Variants in MICU1 observed in about 807,000 individuals in gnomAD.
The protein encoded by MICU1 is mitochondrial calcium uptake 1, also known as calcium uptake protein 1, mitochondrial.
In MICU1, 45 loss-of-function variants were observed where a neutral mutation model predicts 56.8. That is an observed-to-expected ratio of 0.79 (90% CI 0.62 to 1.02). MICU1 has a LOEUF of 1.02. Ranked by LOEUF, MICU1 falls within the 50% of genes least tolerant of loss-of-function variation. The pLI is 0.00. For missense variants in MICU1, 504 were observed against 587.1 expected (o/e 0.86, Z 1.46); for synonymous variants, 186 against 195.1 (o/e 0.95, Z 0.39).
intron 6 of MICU1, among the ~76,000 whole-genome samples, chr10:72,480,284 T>C (rs1866250851): frequency 6.6e-6 from 1 of 152,222 alleles, no homozygotes. Context: ...GTAGCTTGCA[T>C]GGCATGAAGA....
At chr10:72,499,411 A>G (rs1489250986) in intron 6 of MICU1, among the ~76,000 whole-genome samples, 1 of 152,234 alleles carries the variant, frequency 6.6e-6, no homozygotes, top group Non-Finnish European at 1.5e-5. Context: ...CTGCATTATC[A>G]TAAAACCAAT....
chr10:72,593,586 T>A lies in MICU1; in HGVS notation c.-1-26792A>T, dbSNP rs995307983. Among the ~76,000 whole-genome samples, 5 of 151,612 alleles carry A rather than the reference T, an allele frequency of 3.3e-5. 1 individual carries two copies. Among genetic ancestry groups the A allele is most frequent in the Non-Finnish European group, 7.4e-5 (5 of 67,944 alleles). ...GAAGAAGTAAAATTATCAAATTATC[T>A]CTTCACAGACGACATGATCTTATAT... On this transcript the variant is annotated intron_variant, in intron 1 of 11. Transcript: ENST00000361114.
At chr10:72,565,749 G>C (rs1388147868) in intron 2 of MICU1, among the ~76,000 whole-genome samples, 4 of 152,098 alleles carry the variant, frequency 2.6e-5, no homozygotes, top group Non-Finnish European at 4.4e-5. Flanking sequence ...CAGAGGCAGA[G>C]GTTGCAGTAA....
chr10:72,424,748 CTA>C (rs1478411276), intron 8 of MICU1, among the ~76,000 whole-genome samples: 1 of 152,200 alleles, frequency 6.6e-6, no homozygotes, highest in Non-Finnish European at 1.5e-5. Flanking sequence ...GGTCCAAAGA[CTA>C]TCTCTCAACA....
intron 3 of MICU1, among the ~76,000 whole-genome samples, chr10:72,561,913 G>A (rs949080885): frequency 3.3e-5 from 5 of 152,068 alleles, no homozygotes; most frequent in African/African-American, 9.7e-5. Flanking sequence ...CACACAAAAC[G>A]CAGAAATAAC....
At chr10:72,538,961 T>C (rs1369971261) in intron 4 of MICU1, among the ~76,000 whole-genome samples, 2 of 152,034 alleles carry the variant, frequency 1.3e-5, no homozygotes, top group African/African-American at 2.4e-5. Context: ...CCAGATAAAA[T>C]AGAGTATAAG....
At chr10:72,562,791 G>A in intron 3 of MICU1, 104 bp downstream of exon 3, 1 of 1,002,152 alleles carries the variant, frequency 1.0e-6, no homozygotes, top group Non-Finnish European at 1.3e-6. Flanking sequence ...GTGATAACTT[G>A]AAAGTGAAGA....
At position 72,368,060 on chromosome 10, in the gene MICU1, C is replaced by A. The variant is rs559296599; in HGVS notation, c.*135G>T. ...GACGGGGAAGGGTAAAGAGGGGAAA[C>A]CGACAGAGTCCTGAGGTCATCCCGG... On this transcript the variant is annotated 3_prime_UTR_variant, in exon 12 of 12. Coordinates refer to ENST00000361114, the MANE Select transcript of MICU1 (RefSeq NM_001195518.2). 5.4e-6 allele frequency: 5 copies of A among 922,514 alleles called. No individual in the cohort carries two copies. In the Admixed American group the frequency reaches 8.5e-5, roughly 16 times the overall value. The allele number at this position is 922,514 out of a possible 1,614,324, so 57.1% of individuals were successfully genotyped here. A position where few individuals can be genotyped will look rare whatever the true frequency, so the allele number is the denominator to read the frequency against.
intron 1 of MICU1, among the ~76,000 whole-genome samples, chr10:72,613,957 C>T (rs894971868): frequency 6.6e-6 from 1 of 152,200 alleles, no homozygotes; most frequent in Non-Finnish European, 1.5e-5. Context: ...CCAGCCTGGC[C>T]AATGTGGCGA....
intron 5 of MICU1, among the ~76,000 whole-genome samples, chr10:72,514,314 G>A (rs999503973): frequency 1.3e-5 from 2 of 151,460 alleles, no homozygotes; most frequent in South Asian, 2.1e-4. Context: ...TATAATGTCC[G>A]TGCCTCCTCA....
chr10:72,541,881 T>C (rs1044152767), intron 4 of MICU1, among the ~76,000 whole-genome samples: 3 of 152,176 alleles, frequency 2.0e-5, no homozygotes, highest in African/African-American at 7.2e-5. Context: ...TACATAGCAA[T>C]AACTGACTAA....
intron 4 of MICU1, among the ~76,000 whole-genome samples, chr10:72,535,809 A>G (rs1287802057): frequency 6.6e-6 from 1 of 152,208 alleles, no homozygotes; most frequent in Non-Finnish European, 1.5e-5. Flanking sequence ...CAACAGAAAT[A>G]TAGTGTGAAT....
At chr10:72,587,226 G>A (rs1841085911) in intron 1 of MICU1, among the ~76,000 whole-genome samples, 1 of 152,104 alleles carries the variant, frequency 6.6e-6, no homozygotes, top group Admixed American at 6.6e-5. Flanking sequence ...TAATCCCAGT[G>A]CCTTGGGAGA....
chr10:72,435,063 T>A (rs1442611259), intron 8 of MICU1, among the ~76,000 whole-genome samples: 2 of 152,046 alleles, frequency 1.3e-5, no homozygotes, highest in Admixed American at 6.5e-5. Context: ...TATCTCCTCA[T>A]CATTGTGAGT....
At chr10:72,441,780 C>T (rs1864943486) in intron 8 of MICU1, among the ~76,000 whole-genome samples, 1 of 151,660 alleles carries the variant, frequency 6.6e-6, no homozygotes, top group Admixed American at 6.6e-5. Flanking sequence ...CTATGCCCAG[C>T]TATTTTTTTG....
chr10:72,403,670 T>TGTGTGTGTGTGC (rs1554862082), intron 10 of MICU1, among the ~76,000 whole-genome samples: 3 of 149,588 alleles, frequency 2.0e-5, no homozygotes, highest in Non-Finnish European at 4.4e-5. Context: ...TGTGTGTGTG[T>TGTGTGTGTGTGC]TTTGAGACGG....
At chr10:72,545,820 A>G (rs1303627683) in intron 4 of MICU1, among the ~76,000 whole-genome samples, 1 of 152,344 alleles carries the variant, frequency 6.6e-6, no homozygotes, top group East Asian at 1.9e-4. Context: ...AAAATGTGTC[A>G]AAGAAACATA....
At chr10:72,369,303 GAAAAAAA>G (rs35019906) in intron 11 of MICU1, among the ~76,000 whole-genome samples, 4 of 108,570 alleles carry the variant, frequency 3.7e-5, no homozygotes. Context: ...ATGTCTCTTG[GAAAAAAA>G]AAAAAAAAAA....
chr10:72,473,181 C>T (rs1564889524), intron 8 of MICU1: 1 of 151,604 alleles, frequency 6.6e-6, no homozygotes, highest in East Asian at 1.9e-4. Context: ...TAAATGTGAG[C>T]TATATATATA....
Sources: allele counts gnomAD v4.1 joint callset (sites outside exome capture counted in the v4.1 genomes callset), GRCh38; gene constraint gnomAD v4.1.1; transcripts MANE v1.5; gene names NCBI Gene and HGNC (gene_info 2026-07-23, HGNC 2026-07-21).